The following F13A1 variants were observed in gnomAD, a reference collection of about 807,000 sequenced individuals.
F13A1 encodes coagulation factor XIII A chain.
In F13A1, 47 loss-of-function variants were observed where a neutral mutation model predicts 80.1. That is an observed-to-expected ratio of 0.59 (90% confidence interval 0.46 to 0.75). The LOEUF is 0.75. Among genes scored for constraint, F13A1 ranks in the 30% least tolerant of loss-of-function variants. The pLI is 0.00. For missense variants in F13A1, 817 were observed against 930.4 expected, an observed-to-expected ratio of 0.88 and a Z score of 1.59; for synonymous variants, 349 against 344.9, an observed-to-expected ratio of 1.01 and a Z score of -0.13.
rs374616246 is a variant in F13A1 at position 6,195,901 on chromosome 6, G to A, written c.1217-16C>T. On this transcript the variant is annotated splice_polypyrimidine_tract_variant and intron_variant, in intron 9 of 14. Coordinates refer to ENST00000264870, the MANE Select transcript of F13A1 (RefSeq NM_000129.4). ...CGATACATGCCTGCATTGCACAGAG[G>A]AAGGGCGGTGTGAGTTTGTCATCTC... The A allele has an allele frequency of 8.1e-6, 13 of 1,612,368 alleles. No homozygotes were observed. Among genetic ancestry groups the A allele is most frequent in the Non-Finnish European group, 1.0e-5 (12 of 1,178,532 alleles).
At chr6:6,176,147 C>T (rs1305796101) in intron 11 of F13A1, among the ~76,000 whole-genome samples, 1 of 150,726 alleles carries the variant, frequency 6.6e-6, no homozygotes, top group African/African-American at 2.5e-5. Flanking sequence ...AAAAACTAGG[C>T]TTGAGAATGG....
At chr6:6,218,581 T>G (rs1458832840) in intron 8 of F13A1, among the ~76,000 whole-genome samples, 1 of 152,182 alleles carries the variant, frequency 6.6e-6, no homozygotes, top group Non-Finnish European at 1.5e-5. Context: ...TGCTCTGCCC[T>G]TCTGAGGTTC....
intron 4 of F13A1, among the ~76,000 whole-genome samples, chr6:6,264,087 G>T (rs79055189): frequency 3.9e-4 from 59 of 152,290 alleles, no homozygotes; most frequent in African/African-American, 1.3e-3. Context: ...TCTGGAAGCT[G>T]CTCATCATGG....
intron 10 of F13A1, among the ~76,000 whole-genome samples, chr6:6,194,491 A>T (rs368483042): frequency 6.6e-6 from 1 of 151,876 alleles, no homozygotes; most frequent in East Asian, 1.9e-4. Flanking sequence ...TGCTCTTACT[A>T]CCTGGGGACA....
intron 8 of F13A1, among the ~76,000 whole-genome samples, chr6:6,218,105 A>T (rs1282513621): frequency 6.6e-6 from 1 of 152,196 alleles, no homozygotes; most frequent in Non-Finnish European, 1.5e-5. Flanking sequence ...ATCCTATCAG[A>T]CCACACTCTC....
chr6:6,200,556 A>G (rs908670446), intron 8 of F13A1, among the ~76,000 whole-genome samples: 2 of 151,998 alleles, frequency 1.3e-5, no homozygotes, highest in Non-Finnish European at 2.9e-5. Flanking sequence ...GTCTAAAAAA[A>G]AAAAAAAAAA....
intron 13 of F13A1, among the ~76,000 whole-genome samples, chr6:6,160,429 T>C (rs1374925209): frequency 6.6e-6 from 1 of 151,992 alleles, no homozygotes; most frequent in Non-Finnish European, 1.5e-5. Flanking sequence ...TTCTGCTTCC[T>C]GGATTCAAGT....
At chr6:6,180,918 T>A (rs1760971384) in intron 11 of F13A1, among the ~76,000 whole-genome samples, 1 of 152,216 alleles carries the variant, frequency 6.6e-6, no homozygotes, top group African/African-American at 2.4e-5. Flanking sequence ...TATTTAGGTA[T>A]ATGCTAATTA....
intron 8 of F13A1, among the ~76,000 whole-genome samples, chr6:6,207,093 AAAAC>A (rs1330330917): frequency 2.6e-5 from 4 of 152,222 alleles, no homozygotes; most frequent in Non-Finnish European, 4.4e-5. Flanking sequence ...TTCAAGGAAA[AAAAC>A]AAACAAACAT....
chr6:6,308,606 CTTTTTTTTTTTT>C (rs770570204), intron 2 of F13A1, among the ~76,000 whole-genome samples: 1 of 88,850 alleles, frequency 1.1e-5, no homozygotes, highest in African/African-American at 4.5e-5. Flanking sequence ...AAAACACATT[CTTTTTTTTTTTT>C]TTTTTTTTTT....
chr6:6,234,990 T>C (rs185153044), intron 6 of F13A1, among the ~76,000 whole-genome samples: 1 of 152,072 alleles, frequency 6.6e-6, no homozygotes, highest in East Asian at 1.9e-4. Flanking sequence ...CTCACACAAA[T>C]ACAGTTAACT....
chr6:6,311,087 A>G (rs1758584376), intron 2 of F13A1, among the ~76,000 whole-genome samples: 1 of 151,422 alleles, frequency 6.6e-6, no homozygotes, highest in Non-Finnish European at 1.5e-5. Context: ...TTATCTTTAT[A>G]TAGGTGATTT....
chr6:6,274,996 A>G (rs975364014), intron 3 of F13A1, among the ~76,000 whole-genome samples: 11 of 152,190 alleles, frequency 7.2e-5, no homozygotes, highest in Non-Finnish European at 1.3e-4. Context: ...AAAGGTATGT[A>G]GAGTGTGTCC....
intron 8 of F13A1, among the ~76,000 whole-genome samples, chr6:6,216,281 A>G (rs1272034570): frequency 1.3e-5 from 2 of 151,964 alleles, no homozygotes; most frequent in Non-Finnish European, 2.9e-5. Context: ...AAACTATACT[A>G]CAAGGCTACA....
intron 3 of F13A1, among the ~76,000 whole-genome samples, chr6:6,294,519 A>C (rs1758286979): frequency 6.9e-6 from 1 of 144,410 alleles, no homozygotes; most frequent in South Asian, 2.1e-4. Context: ...ATATACACAC[A>C]ACACTCACAC....
intron 4 of F13A1, among the ~76,000 whole-genome samples, chr6:6,258,154 A>G (rs1757727531): frequency 6.6e-6 from 1 of 152,098 alleles, no homozygotes; most frequent in Non-Finnish European, 1.5e-5. Context: ...TTTTAAAAAT[A>G]TAAGTGCTTA....
intron 11 of F13A1, among the ~76,000 whole-genome samples, chr6:6,179,731 T>C (rs1322944941): frequency 2.0e-5 from 3 of 152,188 alleles, no homozygotes; most frequent in Non-Finnish European, 4.4e-5. Flanking sequence ...AGTCGTCGCT[T>C]ACAACCATCT....
At chr6:6,204,964 A>G (rs1013784652) in intron 8 of F13A1, among the ~76,000 whole-genome samples, 3 of 152,248 alleles carry the variant, frequency 2.0e-5, no homozygotes, top group African/African-American at 7.2e-5. Context: ...CAGCTGCTTC[A>G]GATCCCTCTG....
Position 6,266,822 on chromosome 6 carries a change from A to G in F13A1, c.320-13T>C. On this transcript the variant is annotated splice_polypyrimidine_tract_variant and intron_variant, in intron 3 of 14. Transcript: ENST00000264870. ...TGTGGGTAGCGACCTATGAGAAGAG[A>G]GAAGAAATACTCTGTTAGGTTGATT... The G allele has an allele frequency of 6.2e-7, 1 of 1,614,114 alleles. No individual in the cohort carries two copies. The highest frequency in any genetic ancestry group is 8.5e-7 in the Non-Finnish European group (1 of 1,179,976).
Sources: allele counts gnomAD v4.1 joint callset (sites outside exome capture counted in the v4.1 genomes callset), GRCh38; gene constraint gnomAD v4.1.1; transcripts MANE v1.5; gene names NCBI Gene and HGNC (gene_info 2026-07-23, HGNC 2026-07-21).